The following RPTOR variants were observed in gnomAD, a reference collection of about 807,000 sequenced individuals.
RPTOR encodes the protein regulatory-associated protein of mTOR.
Under a neutral mutation model 169.9 loss-of-function variants are expected in RPTOR, and 21 were observed. The ratio of observed to expected loss-of-function variants is 0.12; its 90% confidence interval spans 0.09 to 0.18. RPTOR has a LOEUF of 0.18. Among genes scored for constraint, RPTOR ranks in the 10% least tolerant of loss-of-function variants. The pLI, the probability that RPTOR is intolerant of heterozygous loss-of-function variation, is 1.00. For synonymous variants in RPTOR, 732 were observed against 753.2 expected, an observed-to-expected ratio of 0.97 and a Z score of 0.46; for missense variants, 1,133 against 1,855.9, an observed-to-expected ratio of 0.61 and a Z score of 7.16.
intron 20 of RPTOR, among the ~76,000 whole-genome samples, chr17:80,897,338 T>A (rs1280960360): frequency 2.6e-5 from 4 of 152,228 alleles, no homozygotes; most frequent in African/African-American, 7.2e-5. Context: ...GATACGACAT[T>A]TGCTGTAGAT....
rs1023790282 is a variant in RPTOR at position 80,959,950 on chromosome 17, GC to G, written c.3478-124del. 4.6e-5 allele frequency: 52 copies of G among 1,120,796 alleles called. No individual in the cohort carries two copies. The highest frequency in any genetic ancestry group is 6.1e-5 in the Non-Finnish European group (47 of 776,022). The allele number at this position is 1,120,796 out of a possible 1,614,324, so 69.4% of individuals were successfully genotyped here. ...GATGCTTCCCTGGATAGAGAGAAAG[GC>G]CCCTGCAGCCAGGGAGGGTGATCCC... is the stretch of plus-strand genomic sequence containing the variant. On this transcript the variant is annotated intron_variant, in intron 29 of 33. Coordinates refer to ENST00000306801, the MANE Select transcript of RPTOR (RefSeq NM_020761.3). The surrounding 1 kb of genome is among the most constrained non-coding windows in gnomAD (Gnocchi z 6.7).
chr17:80,895,503 T>C (rs1412774595), intron 20 of RPTOR, among the ~76,000 whole-genome samples: 1 of 152,260 alleles, frequency 6.6e-6, no homozygotes, highest in Non-Finnish European at 1.5e-5. Flanking sequence ...CCAGCCTTGT[T>C]AACCACTGTC....
chr17:80,620,794 T>G (rs975445363), intron 1 of RPTOR, among the ~76,000 whole-genome samples: 3 of 152,162 alleles, frequency 2.0e-5, no homozygotes, highest in Non-Finnish European at 4.4e-5. Flanking sequence ...CTTACCAAAT[T>G]TGAAATTAGG....
At chr17:80,700,439 A>ATGC (rs1490669275) in intron 3 of RPTOR, among the ~76,000 whole-genome samples, 2 of 93,852 alleles carry the variant, frequency 2.1e-5, no homozygotes, top group Non-Finnish European at 4.7e-5. Context: ...GGTGGTTATG[A>ATGC]TGGTGGTGGT....
At chr17:80,735,034 A>G (rs192892846) in intron 5 of RPTOR, among the ~76,000 whole-genome samples, 70 of 152,276 alleles carry the variant, frequency 4.6e-4, no homozygotes, top group Non-Finnish European at 9.8e-4. Flanking sequence ...CTAGGAACCA[A>G]TGCCCTGTGG....
chr17:80,585,230 A>G, intron 1 of RPTOR, among the ~76,000 whole-genome samples: 1 of 144,400 alleles, frequency 6.9e-6, no homozygotes, highest in East Asian at 2.0e-4. Context: ...CCTGAGATGG[A>G]GTCTTGCTCT....
intron 7 of RPTOR, among the ~76,000 whole-genome samples, chr17:80,809,881 A>G (rs1021984327): frequency 6.6e-6 from 1 of 152,102 alleles, no homozygotes; most frequent in African/African-American, 2.4e-5. Context: ...TAATAAAAAT[A>G]CAAAAATTAG....
chr17:80,961,641 G>A (rs949794889), intron 31 of RPTOR, 161 bp downstream of exon 31: 20 of 836,932 alleles, frequency 2.4e-5, no homozygotes, highest in Admixed American at 1.2e-4. Context: ...GGCGCAGCCC[G>A]TAGGGGCCCA....
intron 3 of RPTOR, among the ~76,000 whole-genome samples, chr17:80,649,332 T>C (rs2065621657): frequency 6.6e-6 from 1 of 152,192 alleles, no homozygotes; most frequent in South Asian, 2.1e-4. Flanking sequence ...GCCCTATAAT[T>C]GCGATTGGCA....
intron 23 of RPTOR, 160 bp downstream of exon 23, chr17:80,923,833 C>A: frequency 1.3e-6 from 1 of 769,696 alleles, no homozygotes; most frequent in Non-Finnish European, 2.1e-6. Flanking sequence ...TTTGCAGACC[C>A]GGGTGCTGGT....
Position 80,798,910 on chromosome 17 carries a change from A to G in RPTOR, c.890+7401A>G, listed in dbSNP as rs566262515. 3.9e-5 allele frequency among the ~76,000 whole-genome samples: 6 copies of G among 152,312 alleles called. No individual in the cohort carries two copies. In the South Asian group the frequency reaches 1.2e-3, roughly 32 times the overall value. Reference sequence around the variant, plus strand: ...TGACACCCCCGTGTCCCTACACACCATGACTGTCCTCCTGTCCACCTGAGA... The same window carrying G: ...TGACACCCCCGTGTCCCTACACACCGTGACTGTCCTCCTGTCCACCTGAGA... On this transcript the variant is annotated intron_variant, in intron 7 of 33. Coordinates refer to ENST00000306801, the MANE Select transcript of RPTOR (RefSeq NM_020761.3).
intron 13 of RPTOR, among the ~76,000 whole-genome samples, chr17:80,862,978 C>A (rs1301345978): frequency 2.6e-5 from 4 of 152,190 alleles, no homozygotes; most frequent in African/African-American, 9.6e-5. Flanking sequence ...CAGGCTGGGC[C>A]CAGCGGAAGG....
chr17:80,810,048 AAAATAAATAAATAAATAAAT>A (rs56853505), intron 7 of RPTOR, among the ~76,000 whole-genome samples: 15 of 144,150 alleles, frequency 1.0e-4, no homozygotes, highest in African/African-American at 2.6e-4. Context: ...ACTCCATCTC[AAAATAAATAAATAAATAAAT>A]AAATAAATAA....
chr17:80,937,275 T>G (rs2068966535), intron 24 of RPTOR, among the ~76,000 whole-genome samples: 2 of 152,172 alleles, frequency 1.3e-5, no homozygotes, highest in South Asian at 2.1e-4. Context: ...GTCATGTACC[T>G]GTTTTGAATT....
chr17:80,862,952 A>C (rs1374526757), intron 13 of RPTOR, among the ~76,000 whole-genome samples: 1 of 152,208 alleles, frequency 6.6e-6, no homozygotes, highest in East Asian at 1.9e-4. Flanking sequence ...GAGTTTGAGA[A>C]GGATCGGAGC....
At chr17:80,930,458 C>G (rs1283693438) in intron 24 of RPTOR, among the ~76,000 whole-genome samples, 1 of 145,560 alleles carries the variant, frequency 6.9e-6, no homozygotes, top group African/African-American at 2.6e-5. Context: ...TCAGCTCATC[C>G]CCAGCTCATC....
Position 80,822,299 on chromosome 17 carries a change from G to C in RPTOR, c.989G>C (p.Arg330Pro), listed in dbSNP as rs201102317. 2 of 1,614,050 alleles carry C rather than the reference G, an allele frequency of 1.2e-6. No individual in the cohort carries two copies. The highest frequency in any genetic ancestry group is 2.2e-5 in the East Asian group (1 of 44,878). The change falls in exon 8 of 34, where the codon CGG (arginine) becomes CCG (proline). Residue 330 changes from arginine (R) to proline (P), a missense_variant and splice_region_variant. By Grantham distance (103) the Arg-to-Pro change is moderately radical. This residue lies in a region of RPTOR where 289 missense variants were observed against 585.8 expected (regional missense o/e 0.49). Transcript: ENST00000306801. ...TDTIAWNVLPRDLFQKLFRQD... is the reference protein window; with the variant it reads ...TDTIAWNVLPPDLFQKLFRQD... ...ACCATCGCGTGGAACGTGCTCCCCC[G>C]GGGTGAGGCGCGGGCCGGGCCTTGG...
chr17:80,866,165 A>G (rs918044645), intron 13 of RPTOR, among the ~76,000 whole-genome samples: 24 of 149,102 alleles, frequency 1.6e-4, no homozygotes, highest in Admixed American at 4.7e-4. Context: ...ATTTATTACT[A>G]TAAGTATGTA....
chr17:80,922,684 G>T, intron 21 of RPTOR, 40 bp from the exon 22 acceptor site: 1 of 1,497,592 alleles, frequency 6.7e-7, no homozygotes, highest in Non-Finnish European at 9.1e-7. Context: ...CGCGGAGCAC[G>T]TCCCGTCTGA....
Sources: gnomAD v4.1 joint callset for allele counts (sites outside exome capture counted in the v4.1 genomes callset) on GRCh38, gnomAD v4.1.1 for gene constraint, gnomAD v4.1.1 regional missense constraint, Gnocchi (gnomAD v3.1) non-coding constraint, MANE v1.5 for transcripts, NCBI Gene and HGNC (gene_info 2026-07-23, HGNC 2026-07-21) for gene names.